C17orf58: variants seen among roughly 807,000 people sequenced by gnomAD.
C17orf58 encodes UPF0450 protein C17orf58.
C17orf58 carries 5 observed loss-of-function variants against 7.4 expected under a neutral mutation model. The observed-to-expected ratio is 0.67, with a 90% CI of 0.35 to 1.42. The LOEUF is 1.42. Among genes scored for constraint, C17orf58 ranks in the 40% most tolerant of loss-of-function variants. C17orf58 has a pLI of 0.04. For synonymous variants in C17orf58, 60 were observed against 70.6 expected (o/e 0.85, Z 0.75); for missense variants, 162 against 174.2 (o/e 0.93, Z 0.40).
intron 1 of C17orf58, among the ~76,000 whole-genome samples, chr17:67,995,006 A>T (rs1444141095): frequency 2.0e-5 from 3 of 152,144 alleles, no homozygotes; most frequent in Non-Finnish European, 2.9e-5. Flanking sequence ...CATACCAGTT[A>T]CACAATTTCA....
intron 1 of C17orf58, among the ~76,000 whole-genome samples, chr17:67,995,315 C>T (rs1355180711): frequency 6.6e-6 from 1 of 152,212 alleles, no homozygotes; most frequent in Non-Finnish European, 1.5e-5. Flanking sequence ...TCCTGACTGT[C>T]AACTGTTGAC....
intron 3 of C17orf58, among the ~76,000 whole-genome samples, chr17:67,992,378 G>A (rs1336027522): frequency 2.6e-5 from 4 of 151,980 alleles, no homozygotes; most frequent in Middle Eastern, 3.2e-3. Context: ...GACCAGCCTG[G>A]CCAACATGGT....
intron 1 of C17orf58, 125 bp downstream of exon 1, chr17:67,995,998 C>G (rs1299485832): frequency 1.8e-5 from 7 of 397,550 alleles, no homozygotes; most frequent in African/African-American, 1.4e-4. Flanking sequence ...GAACGCAGAC[C>G]CGGGGTGTCC....
At chr17:67,994,512 G>GTATATATATA (rs1555699607) in intron 1 of C17orf58, among the ~76,000 whole-genome samples, 98 of 85,544 alleles carry the variant, frequency 1.1e-3, no homozygotes, top group African/African-American at 2.7e-3. Flanking sequence ...GTGTGTGTGT[G>GTATATATATA]TGTGTATATA....
intron 3 of C17orf58, 141 bp downstream of exon 3, chr17:67,992,903 G>A (rs1568260981): frequency 3.1e-6 from 5 of 1,613,782 alleles, no homozygotes; most frequent in Non-Finnish European, 4.2e-6. Flanking sequence ...AATAATACCT[G>A]TCGTCTAAAT....
chr17:67,992,607 C>A, intron 3 of C17orf58, among the ~76,000 whole-genome samples: 1 of 147,864 alleles, frequency 6.8e-6, no homozygotes, highest in East Asian at 1.9e-4. Flanking sequence ...AGTATGTAAC[C>A]GGACCACATT....
chr17:67,992,087 C>T lies in C17orf58; in HGVS notation c.846G>A (p.Val282=). 6.3e-7 allele frequency: 1 copy of T among 1,577,256 alleles called. No homozygotes were observed. The highest frequency in any genetic ancestry group is 8.6e-7 in the Non-Finnish European group (1 of 1,162,762). Residue 282 remains valine, a synonymous_variant, in exon 4 of 4, where the codon GTG becomes GTA. Coordinates refer to ENST00000580729, the MANE Select transcript of C17orf58 (RefSeq NM_001382359.1). ...PEFKPGSRYI[V]MGHIYHKRRQ... is the part of the protein sequence containing the mutation. ...GTCTCTTATGGTAGATGTGGCCCAT[C>T]ACAATATACCTGCTGCCTGGACAAA...
In C17orf58 at chr17:67,996,318, G is replaced by C; in HGVS notation, c.-120C>G. On this transcript the variant is annotated 5_prime_UTR_variant, in exon 1 of 4. Coordinates refer to ENST00000580729, the MANE Select transcript of C17orf58 (RefSeq NM_001382359.1). ...ATGCTAATGAGGGGCAGCCTTTGGG[G>C]AAACGGGAATCACTCGCTGAGCAGA... is the stretch of plus-strand genomic sequence containing the variant. 1 of 395,096 alleles carries C rather than the reference G, an allele frequency of 2.5e-6. No individual in the cohort carries two copies. The highest frequency in any genetic ancestry group is 4.5e-6 in the Non-Finnish European group (1 of 224,380). The allele number at this position is 395,096 out of a possible 1,614,324, so 24.5% of individuals were successfully genotyped here. A position where few individuals can be genotyped will look rare whatever the true frequency, so the allele number is the denominator to read the frequency against.
At position 67,991,664 on chromosome 17, in the gene C17orf58, C is replaced by T; in HGVS notation, c.*249G>A. 1 of 307,778 alleles carries T rather than the reference C, an allele frequency of 3.2e-6. No individual in the cohort carries two copies. The allele number at this position is 307,778 out of a possible 1,614,324, so 19.1% of individuals were successfully genotyped here. ...TAACTGGACAGGTCAATTATCTGAGCTGTGTAAATCATTGTCTGGCACTAC... is the reference window on the plus strand; with the variant it reads ...TAACTGGACAGGTCAATTATCTGAGTTGTGTAAATCATTGTCTGGCACTAC... On this transcript the variant is annotated 3_prime_UTR_variant, in exon 4 of 4. Coordinates refer to ENST00000580729, the MANE Select transcript of C17orf58 (RefSeq NM_001382359.1).
At chr17:67,994,010 G>C in intron 1 of C17orf58, 26 bp from the exon 2 acceptor site, 1 of 394,282 alleles carries the variant, frequency 2.5e-6, no homozygotes, top group East Asian at 3.6e-5. Flanking sequence ...AGGAGAGGCG[G>C]GAAGGCGGTG....
At position 67,991,991 on chromosome 17, in the gene C17orf58, G is replaced by GCTC. The variant is rs782054902; in HGVS notation, c.939_941dup (p.Arg313dup). The GCTC allele has an allele frequency of 3.5e-5, 56 of 1,612,988 alleles. No homozygotes were observed. The African/African-American group carries it at 7.2e-4, about 21-fold the overall frequency. ...TAAACCTTTTCACATAGCTGCTGCT[G>GCTC]CTCCTTAGCAGTCCATCCCCTGGAC... On this transcript the variant is annotated inframe_insertion, in exon 4 of 4. Coordinates refer to ENST00000580729, the MANE Select transcript of C17orf58 (RefSeq NM_001382359.1).
chr17:67,994,537 A>AT (rs1555699628), intron 1 of C17orf58, among the ~76,000 whole-genome samples: 3 of 39,956 alleles, frequency 7.5e-5, no homozygotes, highest in African/African-American at 1.7e-4. Context: ...TATATATATA[A>AT]AACATATATA....
At chr17:67,992,699 C>T (rs1413899764) in intron 3 of C17orf58, among the ~76,000 whole-genome samples, 1 of 151,992 alleles carries the variant, frequency 6.6e-6, no homozygotes, top group East Asian at 1.9e-4. Flanking sequence ...GTATTCCCCG[C>T]TACCAACCCC....
intron 1 of C17orf58, 122 bp from the exon 2 acceptor site, chr17:67,994,106 A>T: frequency 3.0e-6 from 1 of 333,916 alleles, no homozygotes; most frequent in Non-Finnish European, 5.4e-6. Context: ...CTGAGACGGG[A>T]GGCCGAGAGG....
At chr17:67,992,797 C>T in intron 3 of C17orf58, 2 of 1,385,024 alleles carry the variant, frequency 1.4e-6, no homozygotes, top group Non-Finnish European at 2.0e-6. Flanking sequence ...CCCCATTTGT[C>T]AACATCTATT....
chr17:67,992,441 G>A (rs1288316709), intron 3 of C17orf58, among the ~76,000 whole-genome samples: 1 of 151,940 alleles, frequency 6.6e-6, no homozygotes, highest in East Asian at 1.9e-4. Context: ...GGTGGCGCAT[G>A]CCTGTAACCC....
Position 67,991,657 on chromosome 17 carries a change from A to G in C17orf58, c.*256T>C, listed in dbSNP as rs1555699252. 4 of 294,724 alleles carry G rather than the reference A, an allele frequency of 1.4e-5. No homozygotes were observed. Among genetic ancestry groups the G allele is most frequent in the Admixed American group, 5.1e-5 (1 of 19,512 alleles). The allele number at this position is 294,724 out of a possible 1,614,324, so 18.3% of individuals were successfully genotyped here. A position where few individuals can be genotyped will look rare whatever the true frequency, so the allele number is the denominator to read the frequency against. ...GATCTGTTAACTGGACAGGTCAATT[A>G]TCTGAGCTGTGTAAATCATTGTCTG... On this transcript the variant is annotated 3_prime_UTR_variant, in exon 4 of 4. Transcript: ENST00000580729.
At position 67,992,817 on chromosome 17, in the gene C17orf58, C is replaced by T. The variant is rs541874111; in HGVS notation, c.829+227G>A. On this transcript the variant is annotated intron_variant, in intron 3 of 3. Coordinates refer to ENST00000580729, the MANE Select transcript of C17orf58 (RefSeq NM_001382359.1). ...TTTGTCAACATCTATTTATTGACAG[C>T]CCGCTTTGTGCCAACCCTTGCTGTT... The T allele has an allele frequency of 3.1e-5, 45 of 1,474,372 alleles. No homozygotes were observed. The African/African-American group carries it at 5.5e-4, about 18-fold the overall frequency. The allele number at this position is 1,474,372 out of a possible 1,614,324, so 91.3% of individuals were successfully genotyped here. A position where few individuals can be genotyped will look rare whatever the true frequency, so the allele number is the denominator to read the frequency against.
chr17:67,992,216 G>T, intron 3 of C17orf58, 113 bp from the exon 4 acceptor site: 1 of 947,886 alleles, frequency 1.1e-6, no homozygotes, highest in Non-Finnish European at 1.5e-6. Context: ...TGCTGCACAA[G>T]TTGAAACTGA....
Sources: allele counts gnomAD v4.1 joint callset (sites outside exome capture counted in the v4.1 genomes callset), GRCh38; gene constraint gnomAD v4.1.1; transcripts MANE v1.5; gene names NCBI Gene and HGNC (gene_info 2026-07-23, HGNC 2026-07-21).